Variants in ZNF385B observed in about 807,000 individuals in gnomAD.
ZNF385B encodes the protein zinc finger protein 533.
Under a neutral mutation model 39.2 loss-of-function variants are expected in ZNF385B, and 23 were observed. The ratio of observed to expected loss-of-function variants is 0.59; its 90% CI spans 0.42 to 0.83. The LOEUF (loss-of-function observed/expected upper bound fraction) is 0.83, where lower values mean the gene tolerates loss of function less well. Ranked by LOEUF, ZNF385B falls within the 40% of genes least tolerant of loss-of-function variation. The pLI, the probability that ZNF385B is intolerant of heterozygous loss-of-function variation, is 0.00. For missense variants in ZNF385B, 552 were observed against 598.9 expected (o/e 0.92, Z 0.82); for synonymous variants, 205 against 222.6 (o/e 0.92, Z 0.70).
At chr2:179,641,238 G>GT (rs537844411) in intron 3 of ZNF385B, among the ~76,000 whole-genome samples, 7 of 151,860 alleles carry the variant, frequency 4.6e-5, no homozygotes, top group Non-Finnish European at 1.0e-4. Flanking sequence ...ATATTCCTTT[G>GT]TTTTTTTAGC....
Position 179,761,969 on chromosome 2 carries a change from C to T in ZNF385B, c.298+7534G>A, listed in dbSNP as rs150173220. ...AAGAGAATTGAGAGTGGACATCCTT[C>T]CCCTGCTCTTGGTCTTAGGAGAAAA... On this transcript the variant is annotated intron_variant, in intron 3 of 9. Coordinates refer to ENST00000410066, the MANE Select transcript of ZNF385B (RefSeq NM_152520.6). Among the ~76,000 whole-genome samples the T allele has an allele frequency of 3.1e-4, 47 of 152,048 alleles. No individual in the cohort carries two copies. The East Asian group carries it at 7.8e-3, about 25-fold the overall frequency.
chr2:179,714,968 C>G (rs1245931275), intron 3 of ZNF385B, among the ~76,000 whole-genome samples: 2 of 112,548 alleles, frequency 1.8e-5, no homozygotes, highest in Non-Finnish European at 3.7e-5. Context: ...AAAACAGTTT[C>G]CTGAATGTAG....
In ZNF385B at chr2:179,466,915, C is replaced by CAAAAAAAA. The variant is rs777679885; in HGVS notation, c.715+16349_715+16356dup. On this transcript the variant is annotated intron_variant, in intron 6 of 9. Coordinates refer to ENST00000410066, the MANE Select transcript of ZNF385B (RefSeq NM_152520.6). ...CAGCCTGGCAACAGAGCAAGACTGT[C>CAAAAAAAA]AAAAAAAAAAAAAAAAAAAAAAAAA... is the stretch of plus-strand genomic sequence containing the variant. 1.9e-3 allele frequency among the ~76,000 whole-genome samples: 50 copies of CAAAAAAAA among 26,934 alleles called. 5 individuals carry two copies. The highest frequency in any genetic ancestry group is 2.1e-3 in the African/African-American group (14 of 6,560). The allele number at this position is 26,934 out of a possible 152,430, so 17.7% of individuals were successfully genotyped here.
intron 3 of ZNF385B, among the ~76,000 whole-genome samples, chr2:179,630,275 C>G (rs1012530147): frequency 6.6e-6 from 1 of 152,284 alleles, no homozygotes; most frequent in East Asian, 1.9e-4. Flanking sequence ...GGCTGACAGA[C>G]ACCTCACATA....
intron 3 of ZNF385B, among the ~76,000 whole-genome samples, chr2:179,588,141 T>C (rs1228659749): frequency 6.6e-6 from 1 of 151,988 alleles, no homozygotes; most frequent in Non-Finnish European, 1.5e-5. Context: ...CAGGCTGGAG[T>C]GCAGTGGCAC....
At chr2:179,765,550 G>T (rs1411915701) in intron 3 of ZNF385B, among the ~76,000 whole-genome samples, 1 of 152,128 alleles carries the variant, frequency 6.6e-6, no homozygotes, top group East Asian at 1.9e-4. Context: ...GAACTGTGAG[G>T]TATTTCTTTG....
intron 3 of ZNF385B, among the ~76,000 whole-genome samples, chr2:179,723,614 G>C (rs973874130): frequency 6.6e-6 from 1 of 151,956 alleles, no homozygotes. Context: ...TTTAAAACAC[G>C]CATATTTAGT....
intron 3 of ZNF385B, among the ~76,000 whole-genome samples, chr2:179,685,520 G>A (rs2106332911): frequency 6.6e-6 from 1 of 152,206 alleles, no homozygotes; most frequent in South Asian, 2.1e-4. Flanking sequence ...AATTAAAAGT[G>A]CAATAGTTAT....
At chr2:179,826,121 G>A (rs1707668510) in intron 1 of ZNF385B, among the ~76,000 whole-genome samples, 1 of 152,136 alleles carries the variant, frequency 6.6e-6, no homozygotes, top group African/African-American at 2.4e-5. Flanking sequence ...ACCAAATTAT[G>A]AAAAACAGCT....
At chr2:179,522,053 TAGAG>T (rs1416075751) in intron 4 of ZNF385B, among the ~76,000 whole-genome samples, 15 of 152,212 alleles carry the variant, frequency 9.9e-5, no homozygotes, top group Non-Finnish European at 1.8e-4. Context: ...TTTAGTTGAA[TAGAG>T]ACTTTAATTG....
intron 3 of ZNF385B, among the ~76,000 whole-genome samples, chr2:179,603,958 T>A (rs1235417327): frequency 1.3e-5 from 2 of 152,188 alleles, no homozygotes; most frequent in African/African-American, 2.4e-5. Context: ...ATTTATTCAA[T>A]ACACAGAAGA....
chr2:179,813,565 G>A (rs1041210712), intron 1 of ZNF385B, among the ~76,000 whole-genome samples: 1 of 152,080 alleles, frequency 6.6e-6, no homozygotes, highest in Admixed American at 6.5e-5. Context: ...GATAAGCAGG[G>A]AAAATTCATA....
chr2:179,796,967 A>G (rs1235321328), intron 1 of ZNF385B, among the ~76,000 whole-genome samples: 1 of 152,298 alleles, frequency 6.6e-6, no homozygotes, highest in Admixed American at 6.5e-5. Context: ...AAGATAATAC[A>G]TGTAAAGTGA....
intron 3 of ZNF385B, among the ~76,000 whole-genome samples, chr2:179,639,963 C>G (rs1054392416): frequency 6.6e-6 from 1 of 152,166 alleles, no homozygotes; most frequent in African/African-American, 2.4e-5. Flanking sequence ...ACAGCATTAC[C>G]TGTGCAGATA....
intron 5 of ZNF385B, among the ~76,000 whole-genome samples, chr2:179,502,467 G>C (rs1468925159): frequency 3.3e-5 from 5 of 152,252 alleles, no homozygotes; most frequent in South Asian, 2.1e-4. Flanking sequence ...CTCCTTTGCT[G>C]TTCTTATGTT....
At chr2:179,838,586 G>A (rs73973770) in intron 1 of ZNF385B, among the ~76,000 whole-genome samples, 10,279 of 152,120 alleles carry the variant, frequency 0.068, 585 homozygotes, top group Admixed American at 0.17. Flanking sequence ...TTGCTATGTT[G>A]CCATTTCCAA....
At chr2:179,850,564 T>C (rs1489445275) in intron 1 of ZNF385B, among the ~76,000 whole-genome samples, 3 of 152,186 alleles carry the variant, frequency 2.0e-5, no homozygotes, top group African/African-American at 4.8e-5. Flanking sequence ...GCAACTACCA[T>C]GTCTGTTCAA....
At chr2:179,683,116 G>T (rs555684628) in intron 3 of ZNF385B, among the ~76,000 whole-genome samples, 4 of 152,096 alleles carry the variant, frequency 2.6e-5, no homozygotes, top group African/African-American at 9.7e-5. Context: ...GCCAGGCGCC[G>T]GTGGCTCACA....
intron 4 of ZNF385B, among the ~76,000 whole-genome samples, chr2:179,520,210 T>C (rs934634944): frequency 2.0e-5 from 3 of 152,040 alleles, no homozygotes; most frequent in Non-Finnish European, 2.9e-5. Context: ...TCTGGAGAGA[T>C]AGCCTAACTA....
Sources: gnomAD v4.1 joint callset for allele counts (sites outside exome capture counted in the v4.1 genomes callset) on GRCh38, gnomAD v4.1.1 for gene constraint, MANE v1.5 for transcripts, NCBI Gene and HGNC (gene_info 2026-07-23, HGNC 2026-07-21) for gene names.